The following COPG2 variants were observed in gnomAD, a reference collection of about 807,000 sequenced individuals.
COPG2 encodes coatomer subunit gamma-2.
COPG2 carries 37 observed loss-of-function variants against 46.3 expected under a neutral mutation model. The observed-to-expected ratio is 0.80, with a 90% confidence interval of 0.61 to 1.05. The LOEUF (loss-of-function observed/expected upper bound fraction) is 1.05. COPG2 is among the 50% of genes least tolerant of loss of function. COPG2 has a pLI of 0.00. For missense variants in COPG2, 427 were observed against 387.8 expected, an observed-to-expected ratio of 1.10 and a Z score of -0.85; for synonymous variants, 159 against 129.7, an observed-to-expected ratio of 1.23 and a Z score of -1.53.
chr7:130,586,210 C>T (rs1288242805), intron 9 of COPG2, among the ~76,000 whole-genome samples: 1 of 152,002 alleles, frequency 6.6e-6, no homozygotes, highest in Non-Finnish European at 1.5e-5. Flanking sequence ...AGTGAAGTAA[C>T]TCAGGAATTG....
chr7:130,583,613 T>C (rs1471792717), intron 9 of COPG2, among the ~76,000 whole-genome samples: 1 of 148,364 alleles, frequency 6.7e-6, no homozygotes, highest in African/African-American at 2.5e-5. Context: ...GAGACCAACC[T>C]GGCCAACATG....
At chr7:130,654,284 G>GA (rs1176390125) in intron 4 of COPG2, among the ~76,000 whole-genome samples, 1 of 152,110 alleles carries the variant, frequency 6.6e-6, no homozygotes, top group African/African-American at 2.4e-5. Flanking sequence ...AAAATAAAGA[G>GA]AAATTCACAG....
At chr7:130,666,694 C>T (rs183264859) in intron 3 of COPG2, among the ~76,000 whole-genome samples, 155 bp downstream of exon 3, 1 of 152,308 alleles carries the variant, frequency 6.6e-6, no homozygotes, top group Admixed American at 6.5e-5. Flanking sequence ...TCCTCGTACT[C>T]AAGTTTTACA....
chr7:130,661,553 A>T (rs1378445259), intron 4 of COPG2, among the ~76,000 whole-genome samples: 1 of 152,220 alleles, frequency 6.6e-6, no homozygotes, highest in African/African-American at 2.4e-5. Flanking sequence ...TAAAGATATG[A>T]ACCTGAAGTT....
At chr7:130,553,893 C>T (rs1026791139) in intron 14 of COPG2, among the ~76,000 whole-genome samples, 28 of 152,138 alleles carry the variant, frequency 1.8e-4, no homozygotes, top group Non-Finnish European at 2.9e-4. Context: ...AAGGTAAGAA[C>T]ATTAAAGTAT....
chr7:130,611,169 C>A, intron 8 of COPG2, 59 bp from the exon 9 acceptor site: 1 of 1,461,072 alleles, frequency 6.8e-7, no homozygotes, highest in Non-Finnish European at 9.4e-7. Context: ...AATATTTACA[C>A]AAAAATAGAA....
intron 11 of COPG2, among the ~76,000 whole-genome samples, chr7:130,562,394 G>A (rs1793734082): frequency 6.6e-6 from 1 of 152,124 alleles, no homozygotes; most frequent in Non-Finnish European, 1.5e-5. Flanking sequence ...CATTTAAATT[G>A]TTGTTCTATA....
chr7:130,635,752 A>C (rs1252299460), intron 5 of COPG2, among the ~76,000 whole-genome samples: 4 of 151,466 alleles, frequency 2.6e-5, no homozygotes, highest in Non-Finnish European at 5.9e-5. Context: ...CTAGCTTTTG[A>C]ATTTGTTTGC....
intron 5 of COPG2, among the ~76,000 whole-genome samples, chr7:130,619,283 GT>G (rs1584584050): frequency 6.6e-6 from 1 of 152,146 alleles, no homozygotes; most frequent in African/African-American, 2.4e-5. Flanking sequence ...TTCAATTAAT[GT>G]TCACTATAAT....
At chr7:130,547,397 C>A (rs1334487050) in intron 20 of COPG2, 1 of 318,028 alleles carries the variant, frequency 3.1e-6, no homozygotes, top group Non-Finnish European at 5.7e-6. Context: ...AGCTTGAGTT[C>A]CTTTTTGTGC....
At chr7:130,664,812 T>C (rs2116271208) in intron 3 of COPG2, among the ~76,000 whole-genome samples, 1 of 152,360 alleles carries the variant, frequency 6.6e-6, no homozygotes, top group African/African-American at 2.4e-5. Context: ...CCCAATTGAC[T>C]ATGCTTTAAA....
At chr7:130,604,307 T>C (rs782685529) in intron 9 of COPG2, among the ~76,000 whole-genome samples, 1 of 152,236 alleles carries the variant, frequency 6.6e-6, no homozygotes, top group Non-Finnish European at 1.5e-5. Flanking sequence ...TTTAAGAAGA[T>C]GTATCTTTAC....
At chr7:130,517,502 TA>T (rs1263241861) in intron 20 of COPG2, among the ~76,000 whole-genome samples, 1 of 152,198 alleles carries the variant, frequency 6.6e-6, no homozygotes, top group Non-Finnish European at 1.5e-5. Flanking sequence ...ACTTGGTTAA[TA>T]AGAAAGTTTA....
intron 20 of COPG2, among the ~76,000 whole-genome samples, chr7:130,513,884 G>T (rs1324196072): frequency 6.6e-6 from 1 of 152,202 alleles, no homozygotes; most frequent in Non-Finnish European, 1.5e-5. Flanking sequence ...AAGAGACGGA[G>T]TCATTTGAAG....
chr7:130,530,049 G>A (rs1182975764), intron 20 of COPG2, among the ~76,000 whole-genome samples: 1 of 152,200 alleles, frequency 6.6e-6, no homozygotes, highest in Non-Finnish European at 1.5e-5. Flanking sequence ...GGGTCAGGGT[G>A]TCGGGTGCTG....
intron 9 of COPG2, among the ~76,000 whole-genome samples, chr7:130,595,656 C>T (rs961710664): frequency 8.6e-5 from 13 of 152,036 alleles, no homozygotes; most frequent in Non-Finnish European, 1.2e-4. Flanking sequence ...TCTTGAGTAC[C>T]CCCACACTCC....
At chr7:130,618,515 T>C (rs1374309752) in intron 5 of COPG2, among the ~76,000 whole-genome samples, 3 of 152,250 alleles carry the variant, frequency 2.0e-5, no homozygotes, top group Non-Finnish European at 4.4e-5. Flanking sequence ...TGCATTGTAA[T>C]GACAGAATAA....
chr7:130,631,172 C>CTTTTTTTTTTTTTTTTT (rs55966949), intron 5 of COPG2, among the ~76,000 whole-genome samples: 2 of 102,318 alleles, frequency 2.0e-5, no homozygotes, highest in Non-Finnish European at 2.1e-5. Context: ...TTTTTCTTTT[C>CTTTTTTTTTTTTTTTTT]TTTTTTTTTT....
intron 9 of COPG2, among the ~76,000 whole-genome samples, chr7:130,597,292 C>G (rs560281035): frequency 1.3e-5 from 2 of 152,324 alleles, no homozygotes; most frequent in South Asian, 2.1e-4. Context: ...AGTGGGGGTG[C>G]TGGGACTATC....
Sources: gnomAD v4.1 joint callset for allele counts (sites outside exome capture counted in the v4.1 genomes callset) on GRCh38, gnomAD v4.1.1 for gene constraint, MANE v1.5 for transcripts, NCBI Gene and HGNC (gene_info 2026-07-23, HGNC 2026-07-21) for gene names.